HERC3: variants seen among roughly 807,000 people sequenced by gnomAD.
HERC3 encodes probable E3 ubiquitin-protein ligase HERC3.
In HERC3, 58 loss-of-function variants were observed where a neutral mutation model predicts 129.9. The ratio of observed to expected loss-of-function variants is 0.45; its 90% confidence interval spans 0.36 to 0.56. The LOEUF (loss-of-function observed/expected upper bound fraction) is 0.56. Ranked by LOEUF, HERC3 falls within the 20% of genes least tolerant of loss-of-function variation. The pLI, the probability that HERC3 is intolerant of heterozygous loss-of-function variation, is 0.00. For synonymous variants in HERC3, 430 were observed against 451.0 expected, an observed-to-expected ratio of 0.95 and a Z score of 0.59; for missense variants, 835 against 1,244.2, an observed-to-expected ratio of 0.67 and a Z score of 4.95.
intron 3 of HERC3, among the ~76,000 whole-genome samples, chr4:88,611,130 G>C (rs778983742): frequency 3.3e-5 from 5 of 152,192 alleles, no homozygotes; most frequent in Non-Finnish European, 7.4e-5. Context: ...TTCTGTTGTT[G>C]GTTAAGCTTG....
At chr4:88,631,002 C>T (rs1726684204) in intron 3 of HERC3, among the ~76,000 whole-genome samples, 1 of 152,116 alleles carries the variant, frequency 6.6e-6, no homozygotes, top group South Asian at 2.1e-4. Flanking sequence ...TTGACTTCGT[C>T]AGTATATCTA....
At chr4:88,693,042 A>C in intron 23 of HERC3, 7 of 975,956 alleles carry the variant, frequency 7.2e-6, no homozygotes, top group Non-Finnish European at 8.5e-6. Flanking sequence ...ACTTAGGTGA[A>C]GACAATGCTT....
At chr4:88,579,635 G>A in the HERC3 span, among the ~76,000 whole-genome samples, 1 of 152,190 alleles carries the variant, frequency 6.6e-6, no homozygotes, top group Non-Finnish European at 1.5e-5. Flanking sequence ...AGGACCAGAA[G>A]TAGGGTTGAG....
intron 3 of HERC3, among the ~76,000 whole-genome samples, chr4:88,641,115 T>C (rs970610148): frequency 1.3e-5 from 2 of 152,180 alleles, no homozygotes; most frequent in Non-Finnish European, 2.9e-5. Context: ...GTTCTCTCAC[T>C]ATACTGGAAT....
chr4:88,637,619 G>A (rs995581408), intron 3 of HERC3, among the ~76,000 whole-genome samples: 9 of 152,184 alleles, frequency 5.9e-5, no homozygotes, highest in South Asian at 4.1e-4. Context: ...GAAATTTATA[G>A]CACTAAATGC....
rs1039497751 is a variant in HERC3, at chr4:88,650,052, T to C, written c.386+53T>C. The C allele has an allele frequency of 3.8e-5, 58 of 1,541,738 alleles. 1 individual carries two copies. The South Asian group carries it at 6.4e-4, about 17-fold the overall frequency. ...TTTAAATGCTATTTCCTGCTGTTGA[T>C]TTGTTAGACTCCTTGTTTTTCTTCT... On this transcript the variant is annotated intron_variant, in intron 4 of 25. Transcript: ENST00000402738.
At chr4:88,706,113 CTT>C (rs1735756372) in intron 25 of HERC3, among the ~76,000 whole-genome samples, 1 of 152,174 alleles carries the variant, frequency 6.6e-6, no homozygotes, top group South Asian at 2.1e-4. Flanking sequence ...TGGCAAGAAA[CTT>C]TATGTATCAC....
the HERC3 span, among the ~76,000 whole-genome samples, chr4:88,535,761 C>T: frequency 1.8e-3 from 280 of 152,292 alleles, 1 homozygote; most frequent in Middle Eastern, 3.4e-3. Context: ...ATCCCAATTA[C>T]CTCTCAAAGG....
chr4:88,524,519 AG>A, the HERC3 span, among the ~76,000 whole-genome samples: 4 of 152,168 alleles, frequency 2.6e-5, no homozygotes, highest in African/African-American at 9.7e-5. Flanking sequence ...TCTTTCTTAC[AG>A]TGTAGTAGAT....
At chr4:88,610,422 C>G (rs566959604) in intron 3 of HERC3, among the ~76,000 whole-genome samples, 1 of 149,858 alleles carries the variant, frequency 6.7e-6, no homozygotes, top group African/African-American at 2.5e-5. Context: ...CACTGGCACT[C>G]CAGCCTGGGG....
chr4:88,704,407 A>T, intron 24 of HERC3, 101 bp from the exon 25 acceptor site: 2 of 1,197,066 alleles, frequency 1.7e-6, no homozygotes, highest in Non-Finnish European at 2.5e-6. Flanking sequence ...GGTGTCCTGT[A>T]TCTCAGCACT....
chr4:88,662,772 G>T (rs945023867), intron 11 of HERC3, among the ~76,000 whole-genome samples: 1 of 152,084 alleles, frequency 6.6e-6, no homozygotes, highest in African/African-American at 2.4e-5. Flanking sequence ...CACAGTATAT[G>T]CCTCAACCTG....
chr4:88,576,236 G>T, the HERC3 span, among the ~76,000 whole-genome samples: 1 of 151,874 alleles, frequency 6.6e-6, no homozygotes, highest in Non-Finnish European at 1.5e-5. Context: ...CCTCCTGGTT[G>T]GCCTTTATAA....
At position 88,652,089 on chromosome 4, in the gene HERC3, G is replaced by T; in HGVS notation, c.463+1G>T. 1 of 1,602,298 alleles carries T rather than the reference G, an allele frequency of 6.2e-7. No homozygotes were observed. The highest frequency in any genetic ancestry group is 8.6e-7 in the Non-Finnish European group (1 of 1,169,256). On this transcript the variant is annotated splice_donor_variant, in intron 5 of 25. Transcript: ENST00000402738. LOFTEE classifies it high-confidence loss of function. ...TGGCATTGCTTGGCTCTTGCGGCTG[G>T]TAAAGTAACATTAAACATATGCTAA...
At chr4:88,542,952 C>G in the HERC3 span, among the ~76,000 whole-genome samples, 1 of 152,120 alleles carries the variant, frequency 6.6e-6, no homozygotes, top group Admixed American at 6.6e-5. Context: ...ATAATAAGAG[C>G]TATTTATGAC....
chr4:88,697,592 G>C (rs1212195384), intron 23 of HERC3: 9 of 1,613,604 alleles, frequency 5.6e-6, no homozygotes, highest in Non-Finnish European at 7.6e-6. Flanking sequence ...GGGGTCTGGG[G>C]CTCCTCAGCC....
intron 3 of HERC3, among the ~76,000 whole-genome samples, chr4:88,635,903 T>G (rs2149248836): frequency 6.6e-6 from 1 of 152,204 alleles, no homozygotes; most frequent in South Asian, 2.1e-4. Context: ...CAAATTAAGC[T>G]TCATAAGCTA....
chr4:88,645,698 G>C (rs1487534420), intron 3 of HERC3, among the ~76,000 whole-genome samples: 1 of 152,150 alleles, frequency 6.6e-6, no homozygotes, highest in East Asian at 1.9e-4. Flanking sequence ...CATGTCCCAG[G>C]TAGAGCGGGA....
intron 3 of HERC3, among the ~76,000 whole-genome samples, chr4:88,612,252 T>G (rs912851701): frequency 6.6e-6 from 1 of 151,930 alleles, no homozygotes; most frequent in Non-Finnish European, 1.5e-5. Context: ...CTCTCATTTC[T>G]GTACTTCTCA....
Sources: gnomAD v4.1 joint callset for allele counts (sites outside exome capture counted in the v4.1 genomes callset) on GRCh38, gnomAD v4.1.1 for gene constraint, MANE v1.5 for transcripts, NCBI Gene and HGNC (gene_info 2026-07-23, HGNC 2026-07-21) for gene names.